MED12L: variants seen among roughly 807,000 people sequenced by gnomAD.
MED12L encodes the protein mediator complex subunit 12L.
A neutral mutation model predicts 281.3 loss-of-function variants in MED12L; 60 were observed. The ratio of observed to expected loss-of-function variants is 0.21; its 90% CI spans 0.17 to 0.26. The LOEUF (loss-of-function observed/expected upper bound fraction) is 0.26, where lower values mean the gene tolerates loss of function less well. Among genes scored for constraint, MED12L ranks in the 10% least tolerant of loss-of-function variants. MED12L has a pLI of 1.00. For synonymous variants in MED12L, 974 were observed against 987.2 expected (o/e 0.99, Z 0.25); for missense variants, 2,146 against 2,680.9 (o/e 0.80, Z 4.41).
chr3:151,201,880 A>G (rs1304774189), intron 16 of MED12L, among the ~76,000 whole-genome samples: 8 of 152,360 alleles, frequency 5.3e-5, no homozygotes, highest in Non-Finnish European at 5.9e-5. Context: ...ATATTACATA[A>G]TAATGGTAAC....
At chr3:151,134,188 GTTT>G (rs3069372) in intron 5 of MED12L, among the ~76,000 whole-genome samples, 16 of 129,256 alleles carry the variant, frequency 1.2e-4, no homozygotes, top group African/African-American at 3.4e-4. Flanking sequence ...TTGTGGGGTT[GTTT>G]TTTTTTTTTT....
At chr3:151,086,774 C>G (rs543970294) in intron 1 of MED12L, 24 bp from the exon 2 acceptor site, 40 of 596,728 alleles carry the variant, frequency 6.7e-5, no homozygotes, top group African/African-American at 5.6e-4. Flanking sequence ...AGCATCCAAC[C>G]TGCTTTATTC....
At chr3:151,379,288 TCTTCCCACATCAGGGG>T (rs1274876985) in intron 31 of MED12L, among the ~76,000 whole-genome samples, 2 of 152,224 alleles carry the variant, frequency 1.3e-5, no homozygotes, top group Non-Finnish European at 2.9e-5. Context: ...GAAAGATCGC[TCTTCCCACATCAGGGG>T]CTCTTTATTC....
rs1734724163 is a variant in MED12L, at chr3:151,243,633, G to A, written c.2250+49967G>A. 3.3e-5 allele frequency among the ~76,000 whole-genome samples: 5 copies of A among 151,732 alleles called. No homozygotes were observed. The South Asian group carries it at 8.3e-4, about 25-fold the overall frequency. ...TGAAGGAAGCGCTAAACATGGAAAG[G>A]AACAACTGGTACCAGCCGCTGCAAA... On this transcript the variant is annotated intron_variant, in intron 16 of 44. Coordinates refer to ENST00000687756, the MANE Select transcript of MED12L (RefSeq NM_001393769.1).
intron 17 of MED12L, among the ~76,000 whole-genome samples, chr3:151,350,661 C>A (rs1753113068): frequency 6.6e-6 from 1 of 152,082 alleles, no homozygotes. Context: ...ATCATGACAG[C>A]ATATTTGCTC....
intron 16 of MED12L, among the ~76,000 whole-genome samples, chr3:151,207,749 A>G (rs1726570626): frequency 6.6e-6 from 1 of 152,158 alleles, no homozygotes; most frequent in Non-Finnish European, 1.5e-5. Context: ...GTGAGAAGCA[A>G]TAAGGATCTG....
intron 5 of MED12L, among the ~76,000 whole-genome samples, chr3:151,154,561 G>A (rs564023917): frequency 3.9e-5 from 6 of 152,276 alleles, no homozygotes; most frequent in Admixed American, 6.5e-5. Context: ...GTGTATGAAT[G>A]TGTGTGTTAT....
chr3:151,311,449 A>G lies in MED12L; in HGVS notation c.2251-38610A>G, dbSNP rs113023457. ...TAGTTTTATTTTTCCAGCAGCCATC[A>G]TGGTATATGCTGACACATTGATGTA... On this transcript the variant is annotated intron_variant, in intron 16 of 44. Coordinates refer to ENST00000687756, the MANE Select transcript of MED12L (RefSeq NM_001393769.1). 8.9e-3 allele frequency among the ~76,000 whole-genome samples: 1,358 copies of G among 152,258 alleles called. 14 individuals carry two copies. The highest frequency in any genetic ancestry group is 0.014 in the Non-Finnish European group (974 of 68,014).
chr3:151,340,525 T>G (rs1029808724), intron 16 of MED12L: 2 of 152,614 alleles, frequency 1.3e-5, no homozygotes, highest in Non-Finnish European at 2.9e-5. Flanking sequence ...AAGAGAAACT[T>G]GGAAAAAATG....
At chr3:151,111,595 G>A (rs1316738755) in intron 2 of MED12L, among the ~76,000 whole-genome samples, 1 of 152,132 alleles carries the variant, frequency 6.6e-6, no homozygotes, top group Non-Finnish European at 1.5e-5. Context: ...TGGTGCCAGC[G>A]TGTATCCACC....
intron 32 of MED12L, among the ~76,000 whole-genome samples, chr3:151,380,810 C>G (rs1343612485): frequency 6.6e-6 from 1 of 152,172 alleles, no homozygotes; most frequent in Non-Finnish European, 1.5e-5. Flanking sequence ...CGTCTCCTAA[C>G]TCTGCCTCAT....
intron 16 of MED12L, chr3:151,300,126 A>G (rs1288378079): frequency 6.3e-7 from 1 of 1,575,178 alleles, no homozygotes; most frequent in South Asian, 1.1e-5. Context: ...CACTGTAAGC[A>G]AAGATGCGTG....
chr3:151,143,916 G>C (rs947821500), intron 5 of MED12L, among the ~76,000 whole-genome samples: 4 of 152,344 alleles, frequency 2.6e-5, no homozygotes, highest in African/African-American at 9.6e-5. Context: ...TGCTGTCCCT[G>C]TTATTCCCTA....
At chr3:151,164,089 A>C (rs765480961) in intron 9 of MED12L, 47 bp downstream of exon 9, 1 of 1,599,302 alleles carries the variant, frequency 6.3e-7, no homozygotes, top group Admixed American at 1.7e-5. Flanking sequence ...CATTCTTGAC[A>C]GGCATCAGGG....
chr3:151,132,669 T>C (rs1715570578), intron 5 of MED12L, among the ~76,000 whole-genome samples: 1 of 152,218 alleles, frequency 6.6e-6, no homozygotes, highest in Non-Finnish European at 1.5e-5. Flanking sequence ...AAATATACAG[T>C]TCCTTTCTCT....
At chr3:151,411,189 T>G in intron 40 of MED12L, 89 bp from the exon 41 acceptor site, 2 of 1,085,858 alleles carry the variant, frequency 1.8e-6, no homozygotes, top group Non-Finnish European at 2.8e-6. Context: ...GGAGTCCTCA[T>G]GGGTTTGTTT....
chr3:151,294,105 G>T, intron 16 of MED12L: 1 of 996,730 alleles, frequency 1.0e-6, no homozygotes, highest in Non-Finnish European at 1.5e-6. Context: ...GCTCAAGCAA[G>T]GATAATGAAA....
chr3:151,308,188 C>T (rs1668523079), intron 16 of MED12L, among the ~76,000 whole-genome samples: 1 of 151,956 alleles, frequency 6.6e-6, no homozygotes, highest in South Asian at 2.1e-4. Flanking sequence ...TTTTCTTAAA[C>T]AGAAAATAAA....
At chr3:151,364,256 T>G (rs917641955) in intron 21 of MED12L, among the ~76,000 whole-genome samples, 4 of 152,226 alleles carry the variant, frequency 2.6e-5, no homozygotes, top group Admixed American at 6.5e-5. Flanking sequence ...ATTCCTGTTA[T>G]ACTTCTAGTA....
Sources: gnomAD v4.1 joint callset for allele counts (sites outside exome capture counted in the v4.1 genomes callset) on GRCh38, gnomAD v4.1.1 for gene constraint, MANE v1.5 for transcripts, NCBI Gene and HGNC (gene_info 2026-07-23, HGNC 2026-07-21) for gene names.